The following GRIP1 variants were observed in gnomAD, a reference collection of about 807,000 sequenced individuals.
GRIP1 encodes the protein glutamate receptor interacting protein 1, also known as glutamate receptor-interacting protein 1.
GRIP1 carries 45 observed loss-of-function variants against 129.9 expected under a neutral mutation model. The ratio of observed to expected loss-of-function variants is 0.35; its 90% CI spans 0.27 to 0.44. The LOEUF (loss-of-function observed/expected upper bound fraction) is 0.44. GRIP1 is among the 20% of genes least tolerant of loss of function. The pLI, the probability that GRIP1 is intolerant of heterozygous loss-of-function variation, is 1.00. For missense variants in GRIP1, 1,196 were observed against 1,396.8 expected (o/e 0.86, Z 2.29); for synonymous variants, 530 against 520.8 (o/e 1.02, Z -0.24).
At chr12:66,745,746 A>G (rs2036924485) in intron 1 of GRIP1, among the ~76,000 whole-genome samples, 1 of 152,300 alleles carries the variant, frequency 6.6e-6, no homozygotes, top group Non-Finnish European at 1.5e-5. Context: ...ACACCAAAGG[A>G]AAGAGGTAAA....
At chr12:66,850,369 T>C (rs143706130) in intron 1 of GRIP1, among the ~76,000 whole-genome samples, 1 of 152,264 alleles carries the variant, frequency 6.6e-6, no homozygotes, top group East Asian at 1.9e-4. Context: ...GGAATACTTC[T>C]GGATTAGAAT....
upstream of GRIP1, among the ~76,000 whole-genome samples, chr12:66,807,688 T>C (rs534858333): frequency 1.3e-5 from 2 of 151,942 alleles, no homozygotes; most frequent in African/African-American, 4.8e-5. Context: ...TCCCCCTCTC[T>C]CTCTTGCTCC....
intron 1 of GRIP1, among the ~76,000 whole-genome samples, chr12:66,874,145 A>G (rs781353449): frequency 2.6e-5 from 4 of 152,120 alleles, no homozygotes; most frequent in Admixed American, 6.6e-5. Context: ...TGCAAAAGTA[A>G]GACCTGAGAG....
At chr12:66,861,321 T>C (rs1193754651) in intron 1 of GRIP1, among the ~76,000 whole-genome samples, 1 of 152,154 alleles carries the variant, frequency 6.6e-6, no homozygotes, top group African/African-American at 2.4e-5. Context: ...GCAACTGTCA[T>C]CTGGTTACCA....
intron 1 of GRIP1, among the ~76,000 whole-genome samples, chr12:66,801,322 C>G (rs2038852612): frequency 6.6e-6 from 1 of 152,048 alleles, no homozygotes; most frequent in Admixed American, 6.6e-5. Flanking sequence ...ACATGGCCAT[C>G]TCATGTACAT....
intron 14 of GRIP1, among the ~76,000 whole-genome samples, chr12:66,429,886 G>A (rs1362437854): frequency 2.0e-5 from 3 of 152,136 alleles, no homozygotes; most frequent in East Asian, 1.9e-4. Flanking sequence ...TTTTCTAGAT[G>A]AAGAAACGGC....
At chr12:66,477,022 A>G (rs955512171) in intron 7 of GRIP1, among the ~76,000 whole-genome samples, 8 of 152,182 alleles carry the variant, frequency 5.3e-5, no homozygotes, top group African/African-American at 1.2e-4. Context: ...TGGAAGTTCT[A>G]GCCAGGGCAA....
At chr12:67,013,176 CA>C (rs2042734432) in intron 1 of GRIP1, among the ~76,000 whole-genome samples, 1 of 152,012 alleles carries the variant, frequency 6.6e-6, no homozygotes, top group Non-Finnish European at 1.5e-5. Context: ...TTCTAATTTT[CA>C]AAGACACAAT....
At chr12:66,962,512 CCT>C (rs1029917245) in intron 1 of GRIP1, among the ~76,000 whole-genome samples, 1 of 152,034 alleles carries the variant, frequency 6.6e-6, no homozygotes, top group Non-Finnish European at 1.5e-5. Context: ...GCGAAAGTGG[CCT>C]CTCTGCAACA....
At chr12:66,820,381 G>C (rs374548639) in intron 1 of GRIP1, among the ~76,000 whole-genome samples, 75 of 152,326 alleles carry the variant, frequency 4.9e-4, no homozygotes, top group Admixed American at 3.1e-3. Flanking sequence ...TGGAGCAGCA[G>C]GAACTCTCAT....
At chr12:66,979,243 A>AAAAAAC (rs2042205739) in intron 1 of GRIP1, among the ~76,000 whole-genome samples, 1 of 147,624 alleles carries the variant, frequency 6.8e-6, no homozygotes, top group Non-Finnish European at 1.5e-5. Context: ...AAAAAAAAAA[A>AAAAAAC]AAAAAAAAAA....
chr12:66,699,829 G>A (rs116084803), intron 1 of GRIP1, among the ~76,000 whole-genome samples: 6 of 152,296 alleles, frequency 3.9e-5, no homozygotes, highest in African/African-American at 1.4e-4. Context: ...GTCACTAGCA[G>A]TGCTGAACAA....
chr12:66,351,385 C>T (rs955096143), intron 24 of GRIP1, among the ~76,000 whole-genome samples: 1 of 152,146 alleles, frequency 6.6e-6, no homozygotes, highest in African/African-American at 2.4e-5. Flanking sequence ...TACCTGACCT[C>T]AATGTTACTA....
At chr12:66,723,239 T>TCTTCCTTCCTTC (rs1187415539) in intron 1 of GRIP1, among the ~76,000 whole-genome samples, 2,712 of 23,294 alleles carry the variant, frequency 0.12, 124 homozygotes, top group Non-Finnish European at 0.13. Flanking sequence ...TCTCTCTCTC[T>TCTTCCTTCCTTC]CTTCCTTCCT....
At chr12:66,753,259 A>G (rs1266691964) in intron 1 of GRIP1, among the ~76,000 whole-genome samples, 1 of 152,194 alleles carries the variant, frequency 6.6e-6, no homozygotes. Context: ...GCTAAAATAT[A>G]TTTTCCAACC....
chr12:66,930,172 T>C (rs1334553361), intron 1 of GRIP1, among the ~76,000 whole-genome samples: 2 of 150,358 alleles, frequency 1.3e-5, no homozygotes, highest in African/African-American at 2.4e-5. Context: ...TAGTTACATA[T>C]GTATACATGT....
upstream of GRIP1, among the ~76,000 whole-genome samples, chr12:66,680,296 C>G (rs1213892980): frequency 6.6e-6 from 1 of 152,132 alleles, no homozygotes; most frequent in African/African-American, 2.4e-5. Context: ...TTTCTTCATT[C>G]ATAAATTCAA....
At chr12:67,001,086 T>C (rs2042544234) in intron 1 of GRIP1, among the ~76,000 whole-genome samples, 1 of 152,234 alleles carries the variant, frequency 6.6e-6, no homozygotes, top group African/African-American at 2.4e-5. Context: ...TGTCAGACTG[T>C]CTGAACCTGT....
chr12:66,768,217 TC>T (rs891636739), intron 1 of GRIP1, among the ~76,000 whole-genome samples: 1 of 152,208 alleles, frequency 6.6e-6, no homozygotes, highest in Non-Finnish European at 1.5e-5. Context: ...AGGCATGTCT[TC>T]CACCAGCAAA....
Sources: allele counts gnomAD v4.1 joint callset (sites outside exome capture counted in the v4.1 genomes callset), GRCh38; gene constraint gnomAD v4.1.1; transcripts MANE v1.5; gene names NCBI Gene and HGNC (gene_info 2026-07-23, HGNC 2026-07-21).